DMD: variants seen among roughly 807,000 people sequenced by gnomAD.
DMD encodes the protein dystrophin.
Under a neutral mutation model 330.1 loss-of-function variants are expected in DMD, and 63 were observed. The observed-to-expected ratio is 0.19, with a 90% CI of 0.16 to 0.24. DMD has a LOEUF of 0.24. DMD is among the 10% of genes least tolerant of loss of function. DMD has a pLI of 1.00. For missense variants in DMD, 3,344 were observed against 2,684.1 expected, an observed-to-expected ratio of 1.25 and a Z score of -5.43; for synonymous variants, 1,223 against 959.8, an observed-to-expected ratio of 1.27 and a Z score of -5.07.
intron 51 of DMD, among the ~76,000 whole-genome samples, chrX:31,736,680 T>C (rs1211229197): frequency 8.9e-6 from 1 of 111,845 alleles, no homozygotes; most frequent in Admixed American, 9.5e-5. Flanking sequence ...CAAATACTCA[T>C]AAACAATTAT....
intron 59 of DMD, among the ~76,000 whole-genome samples, chrX:31,458,732 T>C (rs1183921029): frequency 9.1e-6 from 1 of 110,487 alleles, no homozygotes; most frequent in African/African-American, 3.3e-5. Context: ...AAAACTCTTT[T>C]TAAAATAATC....
intron 55 of DMD, among the ~76,000 whole-genome samples, chrX:31,596,229 A>G (rs1396923626): frequency 8.9e-6 from 1 of 112,149 alleles, no homozygotes; most frequent in Non-Finnish European, 1.9e-5. Context: ...CCTAAGAAAC[A>G]ACAAAACTTT....
intron 13 of DMD, among the ~76,000 whole-genome samples, chrX:32,588,874 G>A (rs1052092510): frequency 8.9e-6 from 1 of 112,056 alleles, no homozygotes; most frequent in Non-Finnish European, 1.9e-5. Flanking sequence ...CATGATAAGT[G>A]CCAGTGCAAT....
In DMD at chrX:32,159,040, T is replaced by C. The variant is rs756574501; in HGVS notation, c.6438+57876A>G. Among the ~76,000 whole-genome samples, 3 of 112,307 alleles carry C rather than the reference T, an allele frequency of 2.7e-5. No homozygotes were observed. The South Asian group carries it at 1.1e-3, about 42-fold the overall frequency. On this transcript the variant is annotated intron_variant, in intron 44 of 78. Coordinates refer to ENST00000357033, the MANE Select transcript of DMD (RefSeq NM_004006.3). The stretch of plus-strand genomic sequence containing the variant: ...GGCTAGAAATCTTCACTGTGCTGTT[T>C]CCACCAAACTAAGTTGTAATACCAT...
chrX:31,716,809 G>T (rs1280778162), intron 52 of DMD, among the ~76,000 whole-genome samples: 2 of 100,165 alleles, frequency 2.0e-5, no homozygotes, highest in East Asian at 6.4e-4. Context: ...CTATCTACAT[G>T]CATGAGTATA....
At chrX:32,524,001 C>T (rs190984236) in intron 17 of DMD, among the ~76,000 whole-genome samples, 1 of 103,996 alleles carries the variant, frequency 9.6e-6, no homozygotes, top group Non-Finnish European at 2.0e-5. Context: ...GGCGCGATCT[C>T]GGCTCACTGC....
chrX:32,122,810 G>A (rs777470340), intron 44 of DMD, among the ~76,000 whole-genome samples: 3 of 111,091 alleles, frequency 2.7e-5, no homozygotes, highest in Non-Finnish European at 3.8e-5. Context: ...GACTTCAGTG[G>A]TAGTTTTTAA....
At chrX:32,648,302 A>G (rs2059910199) in intron 9 of DMD, among the ~76,000 whole-genome samples, 1 of 111,917 alleles carries the variant, frequency 8.9e-6, no homozygotes, top group Non-Finnish European at 1.9e-5. Flanking sequence ...ATATCCATCA[A>G]TTCAACTATA....
chrX:32,342,525 C>G, intron 40 of DMD: 1 of 382,719 alleles, frequency 2.6e-6, no homozygotes, highest in Non-Finnish European at 4.5e-6. Context: ...ATTGGTCTAA[C>G]ATTTTCTTTC....
At chrX:32,843,882 C>A (rs2148977251) in intron 4 of DMD, among the ~76,000 whole-genome samples, 1 of 111,805 alleles carries the variant, frequency 8.9e-6, no homozygotes, top group East Asian at 2.8e-4. Context: ...TTTACTTCTT[C>A]TAATGCAACA....
chrX:31,558,485 T>C (rs1036482349), intron 55 of DMD, among the ~76,000 whole-genome samples: 1 of 111,342 alleles, frequency 9.0e-6, no homozygotes, highest in East Asian at 2.8e-4. Context: ...TCCCAAGAGA[T>C]GTTGAGGCTT....
chrX:33,220,119 T>G (rs2052145587), intron 1 of DMD, among the ~76,000 whole-genome samples: 1 of 111,852 alleles, frequency 8.9e-6, no homozygotes, highest in Non-Finnish European at 1.9e-5. Flanking sequence ...CAAACCTTTT[T>G]TTCCCTTGCC....
At chrX:32,294,014 C>T (rs762473884) in intron 42 of DMD, among the ~76,000 whole-genome samples, 13 of 111,827 alleles carry the variant, frequency 1.2e-4, no homozygotes, top group Non-Finnish European at 1.7e-4. Flanking sequence ...AGGGCTACTC[C>T]GCTAGCCTGA....
chrX:32,053,921 C>A (rs930773575), intron 44 of DMD, among the ~76,000 whole-genome samples: 4 of 109,853 alleles, frequency 3.6e-5, no homozygotes, highest in African/African-American at 1.3e-4. Context: ...TTTTTTTTCT[C>A]TTTTTTAAAA....
chrX:32,077,279 G>T (rs4829247), intron 44 of DMD, among the ~76,000 whole-genome samples: 5,495 of 110,147 alleles, frequency 0.05, 155 homozygotes, highest in South Asian at 0.13. Flanking sequence ...CTTTATATTA[G>T]GCATGCTTTT....
chrX:32,880,899 G>C, intron 2 of DMD, among the ~76,000 whole-genome samples: 1 of 112,684 alleles, frequency 8.9e-6, no homozygotes, highest in Admixed American at 9.3e-5. Flanking sequence ...AGCCGATATT[G>C]CGCCATCGCA....
At chrX:31,680,443 T>C (rs1470737708) in intron 52 of DMD, among the ~76,000 whole-genome samples, 1 of 110,189 alleles carries the variant, frequency 9.1e-6, no homozygotes, top group African/African-American at 3.3e-5. Flanking sequence ...CAATCTCCGC[T>C]CACTGCAACC....
chrX:32,612,630 C>T (rs1041431801), intron 12 of DMD, among the ~76,000 whole-genome samples: 5 of 110,866 alleles, frequency 4.5e-5, no homozygotes, highest in Admixed American at 1.9e-4. Flanking sequence ...ATAGTGTCAA[C>T]GAGAGAAGCA....
intron 1 of DMD, among the ~76,000 whole-genome samples, chrX:33,086,282 C>T (rs1424378376): frequency 9.0e-6 from 1 of 111,577 alleles, no homozygotes; most frequent in African/African-American, 3.2e-5. Context: ...TACCAAAATG[C>T]TAAGGCACAA....
Sources: allele counts gnomAD v4.1 joint callset (sites outside exome capture counted in the v4.1 genomes callset), GRCh38; gene constraint gnomAD v4.1.1; transcripts MANE v1.5; gene names NCBI Gene and HGNC (gene_info 2026-07-23, HGNC 2026-07-21).